The following LOC400499 variants were observed in gnomAD, a reference collection of about 807,000 sequenced individuals.
At chr16:11,397,075 T>C in the LOC400499 span, among the ~76,000 whole-genome samples, 1 of 152,130 alleles carries the variant, frequency 6.6e-6, no homozygotes, top group South Asian at 2.1e-4. Flanking sequence ...GCATCTCTAG[T>C]TTGTTGTATC....
chr16:11,384,311 G>C, the LOC400499 span: 16 of 1,231,656 alleles, frequency 1.3e-5, no homozygotes, highest in Non-Finnish European at 1.6e-5. Context: ...GTGCCCAGAA[G>C]GCCAGCGGAT....
chr16:11,402,123 G>A, the LOC400499 span: 20 of 398,938 alleles, frequency 5.0e-5, no homozygotes, highest in Non-Finnish European at 6.6e-5. Flanking sequence ...CTGCAGTGTC[G>A]CGGCAGGGGG....
the LOC400499 span, among the ~76,000 whole-genome samples, chr16:11,491,455 G>C: frequency 2.0e-5 from 3 of 152,148 alleles, no homozygotes; most frequent in Non-Finnish European, 4.4e-5. Flanking sequence ...GAGGACCAGA[G>C]AGGAGAAGCA....
the LOC400499 span, chr16:11,475,575 C>A: frequency 2.9e-4 from 116 of 398,716 alleles, no homozygotes; most frequent in East Asian, 4.1e-3. Flanking sequence ...TTCCCTTCAA[C>A]CCTGGGATGC....
the LOC400499 span, chr16:11,396,496 A>G: frequency 8.1e-7 from 1 of 1,232,154 alleles, no homozygotes; most frequent in East Asian, 3.2e-5. Context: ...TGTCAGCCCC[A>G]TCCTGGCCAC....
At chr16:11,488,146 C>T in the LOC400499 span, among the ~76,000 whole-genome samples, 1 of 151,454 alleles carries the variant, frequency 6.6e-6, no homozygotes, top group Non-Finnish European at 1.5e-5. Context: ...TGTTTCGTTA[C>T]CCGCCTCTTG....
At chr16:11,386,575 G>A in the LOC400499 span, among the ~76,000 whole-genome samples, 2 of 152,204 alleles carry the variant, frequency 1.3e-5, no homozygotes, top group Non-Finnish European at 2.9e-5. Flanking sequence ...GGCTCCCCCT[G>A]CATCAAGAAC....
At chr16:11,431,082 G>C in the LOC400499 span, 9 of 399,040 alleles carry the variant, frequency 2.3e-5, no homozygotes, top group South Asian at 6.4e-4. Flanking sequence ...TGAGTGTCAG[G>C]AGGCGGGGCA....
chr16:11,385,133 C>T, the LOC400499 span: 120 of 1,230,318 alleles, frequency 9.8e-5, no homozygotes, highest in Non-Finnish European at 1.1e-4. Flanking sequence ...AAAGTGCCAT[C>T]CCCCCAGGCG....
At chr16:11,526,520 C>G in the LOC400499 span, among the ~76,000 whole-genome samples, 1 of 152,204 alleles carries the variant, frequency 6.6e-6, no homozygotes, top group Non-Finnish European at 1.5e-5. Flanking sequence ...GAAAACTTAG[C>G]ATCTGAATTG....
chr16:11,398,408 C>G, the LOC400499 span: 18 of 1,232,170 alleles, frequency 1.5e-5, no homozygotes, highest in Non-Finnish European at 1.8e-5. Flanking sequence ...CATAGTCAGT[C>G]TGTACTTCTC....
At chr16:11,417,393 AT>A in the LOC400499 span, among the ~76,000 whole-genome samples, 1 of 151,994 alleles carries the variant, frequency 6.6e-6, no homozygotes, top group African/African-American at 2.4e-5. Context: ...CCTAGCTAAG[AT>A]TTCTATGTTT....
chr16:11,437,179 G>A, the LOC400499 span, among the ~76,000 whole-genome samples: 1 of 152,304 alleles, frequency 6.6e-6, no homozygotes, highest in East Asian at 1.9e-4. Context: ...GGATGAAAAG[G>A]TAGAACCCAG....
the LOC400499 span, chr16:11,385,441 G>C: frequency 8.1e-7 from 1 of 1,228,444 alleles, no homozygotes; most frequent in Non-Finnish European, 1.0e-6. Context: ...CCCAAAGGCA[G>C]GGTGAGCGGG....
chr16:11,416,861 A>AGGGCTGG, the LOC400499 span, among the ~76,000 whole-genome samples: 1 of 152,040 alleles, frequency 6.6e-6, no homozygotes, highest in Non-Finnish European at 1.5e-5. Flanking sequence ...TGGAACAAGT[A>AGGGCTGG]GGGCTGGGGG....
chr16:11,484,298 C>T, the LOC400499 span, among the ~76,000 whole-genome samples: 10 of 152,028 alleles, frequency 6.6e-5, no homozygotes, highest in Non-Finnish European at 1.3e-4. Context: ...TGAGCCACTA[C>T]GCCCGGCCGC....
chr16:11,525,074 A>G, the LOC400499 span, among the ~76,000 whole-genome samples: 1 of 152,134 alleles, frequency 6.6e-6, no homozygotes, highest in East Asian at 1.9e-4. Flanking sequence ...GCTTGAGCTC[A>G]GGAGTTCGAG....
chr16:11,406,860 G>A, the LOC400499 span, among the ~76,000 whole-genome samples: 3 of 152,172 alleles, frequency 2.0e-5, no homozygotes, highest in Non-Finnish European at 4.4e-5. Context: ...ACTTCAGTAC[G>A]TTTTCTCCGT....
At chr16:11,373,209 G>T in the LOC400499 span, among the ~76,000 whole-genome samples, 8 of 152,310 alleles carry the variant, frequency 5.3e-5, 1 homozygote, top group African/African-American at 1.9e-4. Flanking sequence ...CATGATGTGG[G>T]GCTCCTGGCC....
Sources: allele counts gnomAD v4.1 joint callset (sites outside exome capture counted in the v4.1 genomes callset), GRCh38; gene constraint gnomAD v4.1.1; transcripts MANE v1.5.